ADGRG6: variants seen among roughly 807,000 people sequenced by gnomAD.
ADGRG6 encodes G-protein coupled receptor 126.
In ADGRG6, 84 loss-of-function variants were observed where a neutral mutation model predicts 142.4. The observed-to-expected ratio is 0.59, with a 90% CI of 0.49 to 0.71. The LOEUF (loss-of-function observed/expected upper bound fraction) is 0.71. Ranked by LOEUF, ADGRG6 falls within the 30% of genes least tolerant of loss-of-function variation. The pLI is 0.00. For synonymous variants in ADGRG6, 521 were observed against 520.5 expected, an observed-to-expected ratio of 1.00 and a Z score of -0.01; for missense variants, 1,367 against 1,466.6, an observed-to-expected ratio of 0.93 and a Z score of 1.11.
At position 142,445,717 on chromosome 6, in the gene ADGRG6, G is replaced by A. The variant is rs1777945565; in HGVS notation, c.*2202G>A. The A allele has an allele frequency of 6.6e-6, 1 of 152,184 alleles. No individual in the cohort carries two copies. The highest frequency in any genetic ancestry group is 2.4e-5 in the African/African-American group (1 of 41,466). The allele number at this position is 152,184 out of a possible 1,614,324, so 9.4% of individuals were successfully genotyped here. ...TTCTGTTGTCAGTTCTAAGCATGCA[G>A]TTCTCACCTCCATTTAGTCCCCCAT... is the stretch of plus-strand genomic sequence containing the variant. On this transcript the variant is annotated 3_prime_UTR_variant, in exon 25 of 25. Transcript: ENST00000367609.
intron 2 of ADGRG6, among the ~76,000 whole-genome samples, chr6:142,318,012 T>A (rs1350186800): frequency 2.1e-5 from 1 of 47,708 alleles, no homozygotes; most frequent in African/African-American, 9.9e-5. Flanking sequence ...ATATAATATT[T>A]ATGTTATATA....
At chr6:142,330,199 C>T (rs537697912) in intron 2 of ADGRG6, among the ~76,000 whole-genome samples, 2 of 152,074 alleles carry the variant, frequency 1.3e-5, no homozygotes, top group South Asian at 2.1e-4. Flanking sequence ...GACATGATCT[C>T]GTTCTTTTTA....
intron 24 of ADGRG6, among the ~76,000 whole-genome samples, chr6:142,441,462 C>T (rs1409346380): frequency 6.6e-6 from 1 of 152,110 alleles, no homozygotes; most frequent in African/African-American, 2.4e-5. Flanking sequence ...CAACTATAAT[C>T]AAAGTCTTTA....
chr6:142,346,488 A>G (rs1779907577), intron 2 of ADGRG6, among the ~76,000 whole-genome samples: 1 of 151,992 alleles, frequency 6.6e-6, no homozygotes, highest in African/African-American at 2.4e-5. Context: ...CCACTTTTTG[A>G]TGGAGTTGTT....
rs2294773 is a variant in ADGRG6 at position 142,444,268 on chromosome 6, C to G, written c.*753C>G. 12,332 of 152,266 alleles carry G rather than the reference C, an allele frequency of 0.081. 608 individuals are homozygous for G. Among genetic ancestry groups the G allele is most frequent in the East Asian group, 0.25 (1,280 of 5,166 alleles). The allele number at this position is 152,266 out of a possible 1,614,324, so 9.4% of individuals were successfully genotyped here. A position where few individuals can be genotyped will look rare whatever the true frequency, so the allele number is the denominator to read the frequency against. ...AGTTTAGTGTTGATGTTCCATCATT[C>G]TGGACCTCCCAGGAGTTGTTTAAGA... On this transcript the variant is annotated 3_prime_UTR_variant, in exon 25 of 25. Transcript: ENST00000367609.
intron 2 of ADGRG6, among the ~76,000 whole-genome samples, chr6:142,366,677 C>T (rs1381653883): frequency 6.6e-6 from 1 of 151,556 alleles, no homozygotes; most frequent in East Asian, 1.9e-4. Flanking sequence ...ATTGCTTGAA[C>T]CTGGGAGGCA....
chr6:142,440,885 A>G (rs889722687), intron 24 of ADGRG6: 1 of 1,230,444 alleles, frequency 8.1e-7, no homozygotes, highest in Non-Finnish European at 1.1e-6. Flanking sequence ...ATTGATCTAG[A>G]TATTCATATG....
At chr6:142,398,772 T>C (rs957046192) in intron 10 of ADGRG6, among the ~76,000 whole-genome samples, 1 of 152,190 alleles carries the variant, frequency 6.6e-6, no homozygotes, top group Non-Finnish European at 1.5e-5. Flanking sequence ...ATCACTGCCT[T>C]TGAGCCTCTA....
chr6:142,377,480 C>G (rs1433274247), intron 4 of ADGRG6, among the ~76,000 whole-genome samples: 1 of 152,216 alleles, frequency 6.6e-6, no homozygotes, highest in Non-Finnish European at 1.5e-5. Context: ...ACGAAAGCAT[C>G]TGATGTAAAC....
chr6:142,380,797 A>G (rs1781737066), intron 4 of ADGRG6, among the ~76,000 whole-genome samples: 1 of 152,180 alleles, frequency 6.6e-6, no homozygotes, highest in African/African-American at 2.4e-5. Flanking sequence ...TAGCACTTAG[A>G]ACTGTGACGC....
At position 142,367,758 on chromosome 6, in the gene ADGRG6, CATTATCCCTTGATA is replaced by C; in HGVS notation, c.296_309del (p.Leu99TrpfsTer6). The C allele has an allele frequency of 6.2e-7, 1 of 1,613,840 alleles. No individual in the cohort carries two copies. Among genetic ancestry groups the C allele is most frequent in the African/African-American group, 1.3e-5 (1 of 75,044 alleles). On this transcript the variant is annotated frameshift_variant, in exon 3 of 25. Transcript: ENST00000367609. LOFTEE classifies it high-confidence loss of function. ...GAAGCTCCCAATTGCATTTATGACT[CATTATCCCTTGATA>C]ATGGAGAGAGCCAGACTAAATTTTG...
At position 142,372,145 on chromosome 6, in the gene ADGRG6, C is replaced by T. The variant is rs143288576; in HGVS notation, c.1069+1352C>T. On this transcript the variant is annotated intron_variant, in intron 4 of 24. Transcript: ENST00000367609. ...TGATAAAAATTGTATTAAAATAGAT[C>T]TCCACCTAATATTCTCCATTTACAC... Among the ~76,000 whole-genome samples, 166 of 152,268 alleles carry T rather than the reference C, an allele frequency of 1.1e-3. 3 individuals carry two copies. In the East Asian group the frequency reaches 0.025, roughly 23 times the overall value.
In ADGRG6 at chr6:142,358,369, T is replaced by C. The variant is rs188086601; in HGVS notation, c.104-9200T>C. Among the ~76,000 whole-genome samples the C allele has an allele frequency of 2.8e-3, 429 of 152,362 alleles. 2 individuals carry two copies. The highest frequency in any genetic ancestry group is 9.5e-3 in the African/African-American group (396 of 41,590). On this transcript the variant is annotated intron_variant, in intron 2 of 24. Coordinates refer to ENST00000367609, the MANE Select transcript of ADGRG6 (RefSeq NM_198569.3). ...TTGATGAACATAAGAGTAGTCACTT[T>C]GCTGCTTTTCTGTCTTATCATCAGC...
At chr6:142,316,451 T>G (rs1384184909) in intron 2 of ADGRG6, among the ~76,000 whole-genome samples, 1 of 152,176 alleles carries the variant, frequency 6.6e-6, no homozygotes, top group Non-Finnish European at 1.5e-5. Context: ...CAGAAGGATC[T>G]TTTTAGAAGA....
intron 2 of ADGRG6, among the ~76,000 whole-genome samples, chr6:142,317,434 G>A (rs1417286949): frequency 6.6e-6 from 1 of 151,642 alleles, no homozygotes; most frequent in African/African-American, 2.4e-5. Context: ...TCCTTAGCAG[G>A]GTGTGTCTAG....
intron 1 of ADGRG6, among the ~76,000 whole-genome samples, chr6:142,305,047 G>A (rs150322743): frequency 1.3e-5 from 2 of 152,094 alleles, no homozygotes; most frequent in African/African-American, 2.4e-5. Context: ...AAAATAAGTC[G>A]TTAAGAAATC....
intron 19 of ADGRG6, 84 bp from the exon 20 acceptor site, chr6:142,415,712 A>AAG: frequency 1.1e-6 from 1 of 899,806 alleles, no homozygotes; most frequent in East Asian, 2.5e-5. Flanking sequence ...AGGGTTGTAT[A>AAG]AGATACGAAT....
chr6:142,303,065 C>A (rs779430367), intron 1 of ADGRG6, among the ~76,000 whole-genome samples: 4 of 152,144 alleles, frequency 2.6e-5, no homozygotes, highest in Non-Finnish European at 5.9e-5. Flanking sequence ...GTCTGGCTTT[C>A]CAGAATGGGA....
intron 4 of ADGRG6, among the ~76,000 whole-genome samples, chr6:142,381,097 A>G (rs12213892): frequency 0.21 from 31,473 of 152,152 alleles, 3,350 homozygotes; most frequent in African/African-American, 0.25. Context: ...CTGCTTATGC[A>G]TACCGTTTAC....
Sources: gnomAD v4.1 joint callset for allele counts (sites outside exome capture counted in the v4.1 genomes callset) on GRCh38, gnomAD v4.1.1 for gene constraint, MANE v1.5 for transcripts, NCBI Gene and HGNC (gene_info 2026-07-23, HGNC 2026-07-21) for gene names.